Variants in BNIP3L observed in about 807,000 individuals in gnomAD.
BNIP3L encodes BCL2 interacting protein 3 like.
BNIP3L carries 10 observed loss-of-function variants against 25.5 expected under a neutral mutation model. That is an observed-to-expected ratio of 0.39 (90% CI 0.24 to 0.67). The LOEUF is 0.67. Ranked by LOEUF, BNIP3L falls within the 30% of genes least tolerant of loss-of-function variation. BNIP3L has a pLI of 0.45. For synonymous variants in BNIP3L, 113 were observed against 101.2 expected, an observed-to-expected ratio of 1.12 and a Z score of -0.70; for missense variants, 215 against 270.9, an observed-to-expected ratio of 0.79 and a Z score of 1.45.
intron 1 of BNIP3L, chr8:26,383,479 G>A (rs1230547745): frequency 4.0e-6 from 5 of 1,251,636 alleles, no homozygotes; most frequent in Middle Eastern, 3.2e-4. Context: ...AGCGGCGCGG[G>A]TAGCGCGGAT....
chr8:26,407,181 TG>T (rs201347101), intron 3 of BNIP3L, among the ~76,000 whole-genome samples: 89 of 148,160 alleles, frequency 6.0e-4, no homozygotes, highest in Admixed American at 1.3e-3. Context: ...AATTTTTTTT[TG>T]TTTTGTTTTG....
chr8:26,383,089 A>T lies in BNIP3L; in HGVS notation c.-42A>T, dbSNP rs1383356116. The T allele has an allele frequency of 1.3e-6, 2 of 1,524,184 alleles. No homozygotes were observed. The highest frequency in any genetic ancestry group is 8.9e-7 in the Non-Finnish European group (1 of 1,122,544). The allele number at this position is 1,524,184 out of a possible 1,614,324, so 94.4% of individuals were successfully genotyped here. A position where few individuals can be genotyped will look rare whatever the true frequency, so the allele number is the denominator to read the frequency against. The stretch of plus-strand genomic sequence containing the variant: ...TGTTGTGTTGCTGCCTGAGTGCCGG[A>T]GACGGTCCTGCTGCTGCCGCAGTCC... On this transcript the variant is annotated 5_prime_UTR_variant, in exon 1 of 6. Coordinates refer to ENST00000380629, the MANE Select transcript of BNIP3L (RefSeq NM_004331.3).
chr8:26,401,729 C>G (rs986588101), intron 3 of BNIP3L, among the ~76,000 whole-genome samples: 15 of 151,454 alleles, frequency 9.9e-5, no homozygotes, highest in African/African-American at 3.4e-4. Flanking sequence ...TTAAATTTAT[C>G]TAAATTATGC....
At chr8:26,393,177 T>C (rs1563339033) in intron 2 of BNIP3L, among the ~76,000 whole-genome samples, 1 of 151,962 alleles carries the variant, frequency 6.6e-6, no homozygotes, top group Non-Finnish European at 1.5e-5. Flanking sequence ...TGAATTGCCA[T>C]GCGTCTCTAT....
At chr8:26,392,117 G>A (rs1442653669) in intron 2 of BNIP3L, among the ~76,000 whole-genome samples, 1 of 151,490 alleles carries the variant, frequency 6.6e-6, no homozygotes, top group African/African-American at 2.4e-5. Context: ...AGAATACAAC[G>A]AGATATGTGT....
At chr8:26,403,068 A>T (rs77740335) in intron 3 of BNIP3L, among the ~76,000 whole-genome samples, 3 of 152,156 alleles carry the variant, frequency 2.0e-5, no homozygotes, top group Non-Finnish European at 4.4e-5. Flanking sequence ...GCCAGTGTTG[A>T]TCCCTTCTCA....
At chr8:26,390,482 C>G (rs915390102) in intron 1 of BNIP3L, 1 of 984,844 alleles carries the variant, frequency 1.0e-6, no homozygotes, top group African/African-American at 1.8e-5. Flanking sequence ...AAGTAGAAAC[C>G]CGTGGGAGAG....
intron 1 of BNIP3L, among the ~76,000 whole-genome samples, chr8:26,388,568 TC>T (rs1806039283): frequency 6.6e-6 from 1 of 152,194 alleles, no homozygotes; most frequent in South Asian, 2.1e-4. Flanking sequence ...ACTAAGCTTT[TC>T]TAGGTATGTC....
intron 1 of BNIP3L, chr8:26,383,469 A>G: frequency 8.0e-7 from 1 of 1,244,012 alleles, no homozygotes; most frequent in Non-Finnish European, 1.0e-6. Context: ...GCGGTCCGGG[A>G]GCGGCGCGGG....
chr8:26,388,542 A>G (rs1026776332), intron 1 of BNIP3L, among the ~76,000 whole-genome samples: 1 of 152,224 alleles, frequency 6.6e-6, no homozygotes, highest in African/African-American at 2.4e-5. Flanking sequence ...TGGAGGCCAC[A>G]GCAGAGATCA....
chr8:26,392,531 G>T (rs3808581), intron 2 of BNIP3L, among the ~76,000 whole-genome samples: 1 of 151,958 alleles, frequency 6.6e-6, no homozygotes, highest in South Asian at 2.1e-4. Flanking sequence ...CCAAGGCAGC[G>T]GGGGACTGGT....
chr8:26,401,946 A>C (rs1806393308), intron 3 of BNIP3L, among the ~76,000 whole-genome samples: 2 of 152,192 alleles, frequency 1.3e-5, no homozygotes, highest in East Asian at 3.8e-4. Context: ...TTAGAGTACA[A>C]ATTCTTGAGG....
At chr8:26,392,728 A>G (rs1806141732) in intron 2 of BNIP3L, among the ~76,000 whole-genome samples, 1 of 152,062 alleles carries the variant, frequency 6.6e-6, no homozygotes, top group South Asian at 2.1e-4. Context: ...ATGAAGATTT[A>G]TATTTATATT....
At position 26,391,238 on chromosome 8, in the gene BNIP3L, A is replaced by C. The variant is rs771789793; in HGVS notation, c.101-5A>C. ...TGTGGTTAACTTATCTGACTTGTCC[A>C]ACAGGTTCCTGGGTGGAGCTACCCA... On this transcript the variant is annotated splice_region_variant and splice_polypyrimidine_tract_variant and intron_variant, in intron 1 of 5. Transcript: ENST00000380629. The C allele has an allele frequency of 6.3e-7, 1 of 1,581,618 alleles. No individual in the cohort carries two copies. The highest frequency in any genetic ancestry group is 1.2e-5 in the South Asian group (1 of 85,324).
At chr8:26,395,834 T>C in intron 3 of BNIP3L, 1 of 157,606 alleles carries the variant, frequency 6.3e-6, no homozygotes, top group Non-Finnish European at 1.4e-5. Context: ...GTCAGGGAGT[T>C]CCCTTTCCGA....
chr8:26,408,652 A>T (rs191371188), intron 5 of BNIP3L, among the ~76,000 whole-genome samples: 76 of 152,276 alleles, frequency 5.0e-4, no homozygotes, highest in African/African-American at 1.8e-3. Flanking sequence ...TGGGTGGATG[A>T]CCTGAGGCCA....
intron 1 of BNIP3L, among the ~76,000 whole-genome samples, chr8:26,389,986 C>T (rs776786866): frequency 6.6e-6 from 1 of 152,164 alleles, no homozygotes; most frequent in Non-Finnish European, 1.5e-5. Context: ...GATGGCCACA[C>T]CAAGCTGCTT....
At chr8:26,392,785 T>C (rs1314765662) in intron 2 of BNIP3L, among the ~76,000 whole-genome samples, 2 of 152,150 alleles carry the variant, frequency 1.3e-5, no homozygotes, top group East Asian at 1.9e-4. Context: ...TGTTATGGCC[T>C]GTCAACAAGG....
rs547148115 is a variant in BNIP3L, at chr8:26,412,590, A to G, written c.*2178A>G. On this transcript the variant is annotated 3_prime_UTR_variant, in exon 6 of 6. Coordinates refer to ENST00000380629, the MANE Select transcript of BNIP3L (RefSeq NM_004331.3). The stretch of plus-strand genomic sequence containing the variant: ...ACTTAAAACGTGAATACATCATCAC[A>G]GTAGAATTTATTATGAGAGCATGTA... 8 of 152,660 alleles carry G rather than the reference A, an allele frequency of 5.2e-5. No homozygotes were observed. Among genetic ancestry groups the G allele is most frequent in the South Asian group, 2.1e-4 (1 of 4,824 alleles). 9.5% of individuals were successfully genotyped at this position (152,660 alleles called of 1,614,324 possible). A position where few individuals can be genotyped will look rare whatever the true frequency, so the allele number is the denominator to read the frequency against.
Sources: gnomAD v4.1 joint callset for allele counts (sites outside exome capture counted in the v4.1 genomes callset) on GRCh38, gnomAD v4.1.1 for gene constraint, MANE v1.5 for transcripts, NCBI Gene and HGNC (gene_info 2026-07-23, HGNC 2026-07-21) for gene names.